The following EVI5 variants were observed in gnomAD, a reference collection of about 807,000 sequenced individuals.
The protein encoded by EVI5 is ecotropic viral integration site 5 protein homolog.
A neutral mutation model predicts 112.0 loss-of-function variants in EVI5; 73 were observed. That is an observed-to-expected ratio of 0.65 (90% CI 0.54 to 0.79). The LOEUF is 0.79. Among genes scored for constraint, EVI5 ranks in the 30% least tolerant of loss-of-function variants. EVI5 has a pLI of 0.00. For synonymous variants in EVI5, 305 were observed against 319.9 expected (o/e 0.95, Z 0.50); for missense variants, 900 against 968.8 (o/e 0.93, Z 0.94).
At chr1:92,784,813 C>A in intron 1 of EVI5, 23 bp downstream of exon 1, 1 of 985,566 alleles carries the variant, frequency 1.0e-6, no homozygotes, top group Non-Finnish European at 1.2e-6. Context: ...CCGGCCCGCC[C>A]GGCCTGGCGC....
chr1:92,539,560 A>AAAAAAAACC lies in EVI5; in HGVS notation c.2166+24081_2166+24082insGGTTTTTTT, dbSNP rs1553174065. ...TCCATCTCAAAAAAAAAAAAAAAAA[A>AAAAAAAACC]AAAAAATCTTGAACCCATTCTCCCA... On this transcript the variant is annotated intron_variant, in intron 19 of 19. Coordinates refer to ENST00000684568, the MANE Select transcript of EVI5 (RefSeq NM_001350197.2). 5.1e-5 allele frequency among the ~76,000 whole-genome samples: 7 copies of AAAAAAAACC among 137,732 alleles called. 1 individual carries two copies. Among genetic ancestry groups the AAAAAAAACC allele is most frequent in the African/African-American group, 2.7e-5 (1 of 36,622 alleles). The allele number at this position is 137,732 out of a possible 152,430, so 90.4% of individuals were successfully genotyped here.
chr1:92,686,705 T>C (rs1236243919), intron 9 of EVI5, among the ~76,000 whole-genome samples: 1 of 152,212 alleles, frequency 6.6e-6, no homozygotes, highest in Non-Finnish European at 1.5e-5. Context: ...AGTCTCAGGA[T>C]ACAAAATCAA....
chr1:92,783,498 A>AAGAAAAAAAAAG (rs67308717), intron 1 of EVI5, among the ~76,000 whole-genome samples: 3 of 128,972 alleles, frequency 2.3e-5, no homozygotes, highest in East Asian at 2.2e-4. Context: ...AAAAAAAAAA[A>AAGAAAAAAAAAG]AAAAAAAAAG....
intron 19 of EVI5, among the ~76,000 whole-genome samples, chr1:92,537,097 T>C (rs999778292): frequency 1.3e-5 from 2 of 152,268 alleles, no homozygotes; most frequent in African/African-American, 2.4e-5. Flanking sequence ...ATTGGGTATT[T>C]TGAAAGACAA....
chr1:92,582,561 C>T (rs1422808526), intron 18 of EVI5, among the ~76,000 whole-genome samples: 1 of 150,318 alleles, frequency 6.7e-6, no homozygotes, highest in Non-Finnish European at 1.5e-5. Flanking sequence ...GAGCTTGATT[C>T]AAGAAAAAAA....
intron 13 of EVI5, among the ~76,000 whole-genome samples, chr1:92,659,998 T>G (rs542993560): frequency 2.0e-5 from 3 of 151,994 alleles, no homozygotes; most frequent in Non-Finnish European, 4.4e-5. Context: ...AAATATTGCA[T>G]ACCGTCACTT....
At chr1:92,607,832 G>T in intron 16 of EVI5, 105 bp from the exon 17 acceptor site, 2 of 679,732 alleles carry the variant, frequency 2.9e-6, no homozygotes, top group Non-Finnish European at 4.7e-6. Context: ...AATGTTACTA[G>T]TTATAGGTCA....
At position 92,526,543 on chromosome 1, in the gene EVI5, G is replaced by C. The variant is rs532550808; in HGVS notation, c.2167-12573C>G. Among the ~76,000 whole-genome samples the C allele has an allele frequency of 8.5e-5, 13 of 152,332 alleles. 1 individual carries two copies. In the South Asian group the frequency reaches 2.7e-3, roughly 32 times the overall value. ...TTAGTGTATGAGGGTGTTTGGGTTA[G>C]GGGGAGTGACATGGAGGAACCTTAA... On this transcript the variant is annotated intron_variant, in intron 19 of 19. Transcript: ENST00000684568.
chr1:92,636,122 T>C, intron 14 of EVI5, 80 bp downstream of exon 14: 1 of 1,146,344 alleles, frequency 8.7e-7, no homozygotes, highest in Non-Finnish European at 1.2e-6. Flanking sequence ...CCAAGTCAAT[T>C]AAATTGCTCA....
chr1:92,664,174 T>C (rs1266311925), intron 11 of EVI5, among the ~76,000 whole-genome samples: 2 of 152,190 alleles, frequency 1.3e-5, no homozygotes, highest in Non-Finnish European at 2.9e-5. Flanking sequence ...TGACAGCAAT[T>C]TGTGCAACCA....
chr1:92,668,018 C>G (rs68160001), intron 10 of EVI5, among the ~76,000 whole-genome samples: 29,741 of 152,120 alleles, frequency 0.2, 3,456 homozygotes, highest in Non-Finnish European at 0.26. Flanking sequence ...AAATGTCTGT[C>G]TCAGAAAATT....
intron 9 of EVI5, among the ~76,000 whole-genome samples, chr1:92,682,273 G>A (rs1572270035): frequency 6.6e-6 from 1 of 152,054 alleles, no homozygotes; most frequent in African/African-American, 2.4e-5. Context: ...ACCGGCCTGT[G>A]AGCCCTATCT....
At chr1:92,562,488 C>A (rs905708463) in intron 19 of EVI5, among the ~76,000 whole-genome samples, 1 of 152,044 alleles carries the variant, frequency 6.6e-6, no homozygotes, top group Non-Finnish European at 1.5e-5. Flanking sequence ...AGAGATTGCA[C>A]CACTGCACTC....
chr1:92,673,556 T>C (rs1666223948), intron 10 of EVI5, among the ~76,000 whole-genome samples: 2 of 152,130 alleles, frequency 1.3e-5, no homozygotes, highest in African/African-American at 4.8e-5. Context: ...GGTCTCAAAC[T>C]CCTGGGCTCA....
intron 2 of EVI5, among the ~76,000 whole-genome samples, chr1:92,710,042 C>G (rs2102602081): frequency 8.5e-6 from 1 of 117,514 alleles, no homozygotes; most frequent in African/African-American, 3.3e-5. Context: ...TTTCCTCCTC[C>G]CAGATCACAT....
intron 1 of EVI5, among the ~76,000 whole-genome samples, chr1:92,737,591 T>C (rs1167834931): frequency 1.3e-5 from 2 of 150,320 alleles, no homozygotes; most frequent in African/African-American, 2.4e-5. Flanking sequence ...GGTTTATATA[T>C]GGCAATCCAT....
chr1:92,647,563 T>C, intron 13 of EVI5: 1 of 543,178 alleles, frequency 1.8e-6, no homozygotes, highest in Admixed American at 2.2e-5. Flanking sequence ...GTTTCTCTTA[T>C]GTTCTTCTCT....
intron 11 of EVI5, among the ~76,000 whole-genome samples, chr1:92,665,248 T>C (rs538189260): frequency 1.3e-5 from 2 of 152,242 alleles, no homozygotes; most frequent in African/African-American, 2.4e-5. Context: ...AAAGAGTTTG[T>C]GAATTCAGAT....
chr1:92,711,281 C>T (rs1672818094), intron 2 of EVI5, among the ~76,000 whole-genome samples: 1 of 152,104 alleles, frequency 6.6e-6, no homozygotes, highest in Non-Finnish European at 1.5e-5. Context: ...ACGCCACAAA[C>T]AAAAATCTGG....
Sources: allele counts gnomAD v4.1 joint callset (sites outside exome capture counted in the v4.1 genomes callset), GRCh38; gene constraint gnomAD v4.1.1; transcripts MANE v1.5; gene names NCBI Gene and HGNC (gene_info 2026-07-23, HGNC 2026-07-21).